The following PHF24 variants were observed in gnomAD, a reference collection of about 807,000 sequenced individuals.
PHF24 encodes PHD finger protein 24, also known as Galpha inhibitory interacting protein.
Under a neutral mutation model 42.6 loss-of-function variants are expected in PHF24, and 25 were observed. The ratio of observed to expected loss-of-function variants is 0.59; its 90% CI spans 0.43 to 0.82. The LOEUF (loss-of-function observed/expected upper bound fraction) is 0.82, where lower values mean the gene tolerates loss of function less well. PHF24 is among the 40% of genes least tolerant of loss of function. PHF24 has a pLI of 0.00. For synonymous variants in PHF24, 185 were observed against 204.8 expected, an observed-to-expected ratio of 0.90 and a Z score of 0.83; for missense variants, 470 against 538.1, an observed-to-expected ratio of 0.87 and a Z score of 1.25.
chr9:34,753,391 T>C, the PHF24 span, among the ~76,000 whole-genome samples: 1 of 152,020 alleles, frequency 6.6e-6, no homozygotes, highest in Non-Finnish European at 1.5e-5. Context: ...GTAATCCCGC[T>C]GATAACAGCT....
chr9:34,737,516 G>A, the PHF24 span, among the ~76,000 whole-genome samples: 1 of 152,104 alleles, frequency 6.6e-6, no homozygotes, highest in African/African-American at 2.4e-5. Flanking sequence ...TTGTATACAA[G>A]GTTTTGTTCC....
the PHF24 span, among the ~76,000 whole-genome samples, chr9:34,879,443 C>T: frequency 6.6e-5 from 10 of 152,238 alleles, no homozygotes; most frequent in African/African-American, 2.4e-4. Context: ...TCGAACCCAT[C>T]ACAAAGAAGC....
the PHF24 span, among the ~76,000 whole-genome samples, chr9:34,936,149 G>C: frequency 2.6e-3 from 392 of 151,184 alleles, 2 homozygotes; most frequent in South Asian, 0.011. Flanking sequence ...CCGCCATCTC[G>C]GCTCACTGCA....
At chr9:34,726,388 C>T in the PHF24 span, 8 of 1,548,074 alleles carry the variant, frequency 5.2e-6, no homozygotes, top group South Asian at 9.5e-5. Context: ...TGAGAAATGG[C>T]AGGTGGGCAG....
chr9:34,691,055 C>CA, the PHF24 span: 2 of 1,565,412 alleles, frequency 1.3e-6, no homozygotes, highest in Non-Finnish European at 1.7e-6. Flanking sequence ...GCCAGCCCCC[C>CA]ACTGCCTCTG....
chr9:34,918,407 TTAA>T, the PHF24 span: 1 of 502,576 alleles, frequency 2.0e-6, no homozygotes, highest in Non-Finnish European at 3.6e-6. Flanking sequence ...ACCAAGGTCT[TTAA>T]AAAAAAAAAA....
the PHF24 span, among the ~76,000 whole-genome samples, chr9:34,775,209 C>T: frequency 1.3e-5 from 2 of 152,060 alleles, no homozygotes; most frequent in African/African-American, 4.8e-5. Flanking sequence ...ATTATTCAGC[C>T]TTAAAGAGGG....
chr9:34,698,469 A>G, the PHF24 span, among the ~76,000 whole-genome samples: 1 of 152,228 alleles, frequency 6.6e-6, no homozygotes, highest in Non-Finnish European at 1.5e-5. Flanking sequence ...GGATTATTGC[A>G]TAAAGGCTCA....
At chr9:34,716,277 C>T in the PHF24 span, among the ~76,000 whole-genome samples, 1 of 152,136 alleles carries the variant, frequency 6.6e-6, no homozygotes, top group Non-Finnish European at 1.5e-5. Flanking sequence ...TAGGATTATG[C>T]TTAGAACAGC....
chr9:34,728,780 C>T, the PHF24 span: 3 of 864,610 alleles, frequency 3.5e-6, no homozygotes, highest in South Asian at 3.3e-5. Context: ...TTTATACACT[C>T]TCCTGGACTT....
rs181544646 is a variant in PHF24 at position 34,971,750 on chromosome 9, T to C, written c.378+74T>C. 2.1e-4 allele frequency: 313 copies of C among 1,478,710 alleles called. 2 individuals are homozygous for C. The African/African-American group carries it at 4.1e-3, about 19-fold the overall frequency. 91.6% of individuals were successfully genotyped at this position (1,478,710 alleles called of 1,614,324 possible). A position where few individuals can be genotyped will look rare whatever the true frequency, so the allele number is the denominator to read the frequency against. On this transcript the variant is annotated intron_variant, in intron 2 of 7. Transcript: ENST00000242315. ...GCAGGACAGGGAAGATGGATGTGGG[T>C]AAGGTGATCCTCAAAACCGGAAAAA...
At chr9:34,720,650 C>T in the PHF24 span, among the ~76,000 whole-genome samples, 7 of 152,042 alleles carry the variant, frequency 4.6e-5, no homozygotes, top group African/African-American at 1.7e-4. Context: ...GCTTCCCAAT[C>T]CTCTCATCCC....
chr9:34,771,344 T>A, the PHF24 span, among the ~76,000 whole-genome samples: 1 of 152,240 alleles, frequency 6.6e-6, no homozygotes, highest in Non-Finnish European at 1.5e-5. Context: ...TACTGAATAC[T>A]GCAGGCACTT....
chr9:34,787,081 A>G, the PHF24 span, among the ~76,000 whole-genome samples: 2 of 152,140 alleles, frequency 1.3e-5, no homozygotes, highest in Admixed American at 1.3e-4. Flanking sequence ...ACGTCAGGAA[A>G]GGGGCTGGAA....
chr9:34,924,447 T>G, the PHF24 span, among the ~76,000 whole-genome samples: 1 of 152,194 alleles, frequency 6.6e-6, no homozygotes, highest in Non-Finnish European at 1.5e-5. Flanking sequence ...TATATCTGGG[T>G]ACTCCAGTGT....
chr9:34,745,069 G>T, the PHF24 span, among the ~76,000 whole-genome samples: 13,238 of 152,168 alleles, frequency 0.087, 1,679 homozygotes, highest in African/African-American at 0.28. Flanking sequence ...GATGCTAAAG[G>T]AGTGCAGGGG....
At chr9:34,917,921 T>G in the PHF24 span, 14 of 1,587,268 alleles carry the variant, frequency 8.8e-6, no homozygotes, top group Admixed American at 1.0e-4. Flanking sequence ...ACTGGAATGG[T>G]GCAGGCTGCC....
At chr9:34,913,519 T>G in the PHF24 span, among the ~76,000 whole-genome samples, 886 of 152,338 alleles carry the variant, frequency 5.8e-3, 6 homozygotes, top group African/African-American at 0.02. Context: ...AATGCTATCA[T>G]TTTATTATCC....
chr9:34,667,195 G>A, the PHF24 span, among the ~76,000 whole-genome samples: 2 of 152,160 alleles, frequency 1.3e-5, no homozygotes, highest in Non-Finnish European at 2.9e-5. Context: ...TTTGAGTAAG[G>A]GGAAAGACAG....
Sources: gnomAD v4.1 joint callset for allele counts (sites outside exome capture counted in the v4.1 genomes callset) on GRCh38, gnomAD v4.1.1 for gene constraint, MANE v1.5 for transcripts, NCBI Gene and HGNC (gene_info 2026-07-23, HGNC 2026-07-21) for gene names.